SUGCT: variants seen among roughly 807,000 people sequenced by gnomAD.
SUGCT encodes the protein succinyl-CoA:glutarate-CoA transferase.
SUGCT carries 41 observed loss-of-function variants against 55.0 expected under a neutral mutation model. The ratio of observed to expected loss-of-function variants is 0.74; its 90% CI spans 0.58 to 0.97. SUGCT has a LOEUF of 0.97. SUGCT is among the 50% of genes least tolerant of loss of function. The probability of loss-of-function intolerance (pLI) is 0.00; values close to 1 mark genes in which losing one functional copy is unlikely to be tolerated. For missense variants in SUGCT, 568 were observed against 547.8 expected, an observed-to-expected ratio of 1.04 and a Z score of -0.37; for synonymous variants, 187 against 200.4, an observed-to-expected ratio of 0.93 and a Z score of 0.56.
At chr7:40,467,204 G>GAAAAAAAAAAAAA (rs762283927) in intron 11 of SUGCT, among the ~76,000 whole-genome samples, 12 of 83,624 alleles carry the variant, frequency 1.4e-4, no homozygotes, top group Admixed American at 3.0e-4. Flanking sequence ...CTAAGAAAAA[G>GAAAAAAAAAAAAA]AAAAAAAAAA....
At chr7:40,529,229 A>G (rs1026662799) in intron 12 of SUGCT, among the ~76,000 whole-genome samples, 2 of 152,184 alleles carry the variant, frequency 1.3e-5, no homozygotes. Context: ...AAATTCCAGA[A>G]CCTGGGGGAG....
chr7:40,327,087 T>C (rs12669999), intron 9 of SUGCT, among the ~76,000 whole-genome samples: 106,048 of 152,088 alleles, frequency 0.7, 37,344 homozygotes, highest in East Asian at 0.99. Flanking sequence ...TTAGCACTGA[T>C]GAGTTAGAAT....
At chr7:40,557,006 C>T (rs901028861) in intron 12 of SUGCT, among the ~76,000 whole-genome samples, 1 of 152,044 alleles carries the variant, frequency 6.6e-6, no homozygotes, top group Non-Finnish European at 1.5e-5. Context: ...AATAAAAAAC[C>T]CATCTTGAAG....
At chr7:40,818,356 C>G (rs780191786) in intron 13 of SUGCT, among the ~76,000 whole-genome samples, 42 of 152,180 alleles carry the variant, frequency 2.8e-4, no homozygotes, top group African/African-American at 9.4e-4. Flanking sequence ...AGAGAGGGAC[C>G]TCATAGTCCA....
chr7:40,251,907 T>C (rs1562615063), intron 7 of SUGCT, among the ~76,000 whole-genome samples: 1 of 150,918 alleles, frequency 6.6e-6, no homozygotes, highest in South Asian at 2.1e-4. Flanking sequence ...CGGTTGTTAA[T>C]AGGACCAATT....
At chr7:40,639,129 G>C (rs1206340665) in intron 12 of SUGCT, among the ~76,000 whole-genome samples, 1 of 152,086 alleles carries the variant, frequency 6.6e-6, no homozygotes, top group Non-Finnish European at 1.5e-5. Context: ...TATATCATTT[G>C]GCCAGGTTCC....
intron 11 of SUGCT, among the ~76,000 whole-genome samples, chr7:40,461,051 G>C (rs1010768480): frequency 2.6e-5 from 4 of 152,024 alleles, no homozygotes; most frequent in Non-Finnish European, 5.9e-5. Context: ...GACATTTTTT[G>C]GTACCTTCTT....
chr7:40,716,342 A>G (rs1786021782), intron 12 of SUGCT, among the ~76,000 whole-genome samples: 1 of 152,226 alleles, frequency 6.6e-6, no homozygotes, highest in Non-Finnish European at 1.5e-5. Flanking sequence ...CTGAGCAGTA[A>G]TAAGTCAGGG....
At chr7:40,837,126 G>A (rs918139022) in intron 13 of SUGCT, among the ~76,000 whole-genome samples, 3 of 152,004 alleles carry the variant, frequency 2.0e-5, no homozygotes, top group Non-Finnish European at 4.4e-5. Context: ...CCTTATTTTA[G>A]TCATTCTGTA....
In SUGCT at chr7:40,818,589, G is replaced by A. The variant is rs150170446; in HGVS notation, c.1154-41727G>A. ...ATAATGTAGAAGTATATGTGTACCT[G>A]TGAGAGTATCTTCAACACTGGAGAT... is the stretch of plus-strand genomic sequence containing the variant. On this transcript the variant is annotated intron_variant, in intron 13 of 13. Coordinates refer to ENST00000335693, the MANE Select transcript of SUGCT (RefSeq NM_001193313.2). Among the ~76,000 whole-genome samples the A allele has an allele frequency of 3.1e-3, 468 of 152,296 alleles. 3 individuals carry two copies. Among genetic ancestry groups the A allele is most frequent in the African/African-American group, 0.01 (436 of 41,570 alleles).
At chr7:40,429,845 C>A (rs574271253) in intron 9 of SUGCT, among the ~76,000 whole-genome samples, 67 of 152,252 alleles carry the variant, frequency 4.4e-4, no homozygotes, top group African/African-American at 1.5e-3. Context: ...ACACATAGTA[C>A]CCTCTCTTTT....
At chr7:40,931,706 G>T in the SUGCT span, among the ~76,000 whole-genome samples, 1 of 152,154 alleles carries the variant, frequency 6.6e-6, no homozygotes, top group Non-Finnish European at 1.5e-5. Flanking sequence ...TAGTTTATTT[G>T]CATAGAGGTC....
At chr7:40,167,830 A>G (rs573947050) in intron 1 of SUGCT, among the ~76,000 whole-genome samples, 1 of 152,288 alleles carries the variant, frequency 6.6e-6, no homozygotes, top group South Asian at 2.1e-4. Flanking sequence ...AGCAGCAAAC[A>G]GCAGTGGTGG....
chr7:40,798,738 C>T (rs573113788), intron 13 of SUGCT, among the ~76,000 whole-genome samples: 1 of 127,482 alleles, frequency 7.8e-6, no homozygotes, highest in South Asian at 3.0e-4. Context: ...ACTGTAAGTG[C>T]AGGAAGTGAT....
intron 7 of SUGCT, among the ~76,000 whole-genome samples, chr7:40,238,436 A>C (rs987343322): frequency 2.0e-5 from 3 of 152,210 alleles, no homozygotes; most frequent in African/African-American, 7.2e-5. Context: ...AAAGTGAAAA[A>C]AATTGTGAAA....
At chr7:40,351,318 T>A (rs192459405) in intron 9 of SUGCT, among the ~76,000 whole-genome samples, 1 of 152,220 alleles carries the variant, frequency 6.6e-6, no homozygotes, top group African/African-American at 2.4e-5. Context: ...GTTTCTGCTT[T>A]AAAAGTATTT....
intron 12 of SUGCT, among the ~76,000 whole-genome samples, chr7:40,566,164 C>T (rs1027171812): frequency 6.6e-6 from 1 of 152,094 alleles, no homozygotes; most frequent in East Asian, 1.9e-4. Flanking sequence ...TTCTCCCCAG[C>T]ACATGACCAA....
At chr7:40,782,075 A>G (rs1433883475) in intron 13 of SUGCT, among the ~76,000 whole-genome samples, 1 of 152,048 alleles carries the variant, frequency 6.6e-6, no homozygotes, top group Non-Finnish European at 1.5e-5. Context: ...AGTATTTTTA[A>G]ATAATTTACT....
At chr7:40,932,979 T>A in the SUGCT span, among the ~76,000 whole-genome samples, 2 of 152,194 alleles carry the variant, frequency 1.3e-5, no homozygotes, top group African/African-American at 4.8e-5. Flanking sequence ...GTCATTATGA[T>A]GTTCGCTGGT....
Sources: allele counts gnomAD v4.1 joint callset (sites outside exome capture counted in the v4.1 genomes callset), GRCh38; gene constraint gnomAD v4.1.1; transcripts MANE v1.5; gene names NCBI Gene and HGNC (gene_info 2026-07-23, HGNC 2026-07-21).